The following NRP2 variants were observed in gnomAD, a reference collection of about 807,000 sequenced individuals.
NRP2 encodes neuropilin 2.
A neutral mutation model predicts 110.4 loss-of-function variants in NRP2; 52 were observed. The observed-to-expected ratio is 0.47, with a 90% confidence interval of 0.38 to 0.59. The LOEUF is 0.59. Ranked by LOEUF, NRP2 falls within the 20% of genes least tolerant of loss-of-function variation. The pLI, the probability that NRP2 is intolerant of heterozygous loss-of-function variation, is 0.00. For missense variants in NRP2, 1,049 were observed against 1,203.0 expected (o/e 0.87, Z 1.89); for synonymous variants, 508 against 468.9 (o/e 1.08, Z -1.08).
At chr2:205,737,988 G>A (rs2057374438) in intron 7 of NRP2, among the ~76,000 whole-genome samples, 1 of 152,196 alleles carries the variant, frequency 6.6e-6, no homozygotes, top group Non-Finnish European at 1.5e-5. Flanking sequence ...CCATCCCAAA[G>A]ACAGTCCAAA....
intron 2 of NRP2, among the ~76,000 whole-genome samples, chr2:205,702,473 A>G (rs1035254112): frequency 6.6e-6 from 1 of 152,116 alleles, no homozygotes; most frequent in Non-Finnish European, 1.5e-5. Flanking sequence ...GCTGCTCACA[A>G]TCTTTTTTTC....
chr2:205,796,401 TGCACACACGCATACACACATGCAC>T lies in NRP2; in HGVS notation c.*1352_*1375del, dbSNP rs2058352159. ...TGAGAGACCTAGGTTCTTACACATA[TGCACACACGCATACACACATGCAC>T]GCACACACACATACACACATGCACG... On this transcript the variant is annotated 3_prime_UTR_variant, in exon 17 of 17. Transcript: ENST00000357785. 2.0e-5 allele frequency: 3 copies of T among 152,740 alleles called. No individual in the cohort carries two copies. Among genetic ancestry groups the T allele is most frequent in the African/African-American group, 7.2e-5 (3 of 41,550 alleles). 9.5% of individuals were successfully genotyped at this position (152,740 alleles called of 1,614,324 possible). A position where few individuals can be genotyped will look rare whatever the true frequency, so the allele number is the denominator to read the frequency against.
At chr2:205,689,498 T>G (rs2056257492) in intron 1 of NRP2, among the ~76,000 whole-genome samples, 1 of 152,230 alleles carries the variant, frequency 6.6e-6, no homozygotes, top group Non-Finnish European at 1.5e-5. Context: ...GAAAGCACAC[T>G]ATAACCATTG....
intron 2 of NRP2, 129 bp downstream of exon 2, chr2:205,697,850 C>A: frequency 1.0e-6 from 1 of 956,208 alleles, no homozygotes; most frequent in Non-Finnish European, 1.7e-6. Context: ...GGATCCTGGC[C>A]CCAGAGGAAA....
chr2:205,739,705 G>A (rs849577), intron 7 of NRP2, among the ~76,000 whole-genome samples: 15,223 of 125,134 alleles, frequency 0.12, 1,091 homozygotes, highest in East Asian at 0.42. Flanking sequence ...TTTTTTTTGA[G>A]CAGAGAGCAC....
chr2:205,725,539 T>G lies in NRP2; in HGVS notation c.821-374T>G, dbSNP rs1003663575. 1.3e-5 allele frequency among the ~76,000 whole-genome samples: 2 copies of G among 152,230 alleles called. No individual in the cohort carries two copies. The highest frequency in any genetic ancestry group is 1.3e-4 in the Admixed American group (2 of 15,290). ...TATTAATAAAGCAGGCTTCCCACGA[T>G]GTATGAGCTCACCCAAATCGCCACG... On this transcript the variant is annotated intron_variant, in intron 5 of 16. Coordinates refer to ENST00000357785, the MANE Select transcript of NRP2 (RefSeq NM_003872.3). This position sits in a 1 kb window ranked among gnomAD's most constrained non-coding sequence, Gnocchi z 4.1.
At chr2:205,694,590 T>G (rs2056383527) in intron 1 of NRP2, among the ~76,000 whole-genome samples, 1 of 152,238 alleles carries the variant, frequency 6.6e-6, no homozygotes, top group African/African-American at 2.4e-5. Context: ...GAGATTGGCC[T>G]TAAGGGTTTT....
intron 15 of NRP2, chr2:205,776,081 T>G (rs1013422338): frequency 3.8e-6 from 3 of 786,458 alleles, no homozygotes; most frequent in Non-Finnish European, 4.5e-6. Context: ...ATGCAATCGT[T>G]GAGAAGTGCT....
rs771378649 is a variant in NRP2 at position 205,749,749 on chromosome 2, T to C, written c.1811T>C (p.Leu604Pro). 1 of 1,614,158 alleles carries C rather than the reference T, an allele frequency of 6.2e-7. No individual in the cohort carries two copies. Among genetic ancestry groups the C allele is most frequent in the East Asian group, 2.2e-5 (1 of 44,880 alleles). Residue 604 changes from leucine (L) to proline (P), a missense_variant, in exon 11 of 17, where the codon CTG becomes CCG. Transcript: ENST00000357785. ...WTDSKPTVET[L>P]GPTVKSEETT... Reference sequence around the variant, plus strand: ...GACTCCAAGCCCACGGTAGAGACGCTGGGACCCACTGTGAAGAGCGAAGAG... The same window carrying C: ...GACTCCAAGCCCACGGTAGAGACGCCGGGACCCACTGTGAAGAGCGAAGAG...
At chr2:205,700,932 A>T (rs1022868296) in intron 2 of NRP2, 2 of 329,922 alleles carry the variant, frequency 6.1e-6, no homozygotes, top group African/African-American at 4.4e-5. Context: ...AAAGGACAAA[A>T]GGGCGAGACT....
intron 12 of NRP2, among the ~76,000 whole-genome samples, chr2:205,758,086 CT>C (rs1559352263): frequency 6.6e-6 from 1 of 152,132 alleles, no homozygotes; most frequent in African/African-American, 2.4e-5. Flanking sequence ...ACAAAATGGT[CT>C]ATTGTAAACC....
chr2:205,775,954 A>G (rs1450670533), intron 15 of NRP2, among the ~76,000 whole-genome samples: 1 of 152,204 alleles, frequency 6.6e-6, no homozygotes, highest in Non-Finnish European at 1.5e-5. Context: ...GTTGAATCCC[A>G]TACTTACTAT....
At chr2:205,727,818 T>C (rs1575593812) in intron 6 of NRP2, 73 bp from the exon 7 acceptor site, 1 of 1,471,510 alleles carries the variant, frequency 6.8e-7, no homozygotes, top group East Asian at 2.4e-5. Context: ...AATGATTGTG[T>C]CCTTTGGAAA....
intron 2 of NRP2, among the ~76,000 whole-genome samples, chr2:205,702,547 C>G (rs1453754092): frequency 6.6e-6 from 1 of 152,172 alleles, no homozygotes; most frequent in African/African-American, 2.4e-5. Context: ...TCTAAGTGTC[C>G]TAGATAAACA....
At chr2:205,739,427 G>T (rs1452048259) in intron 7 of NRP2, among the ~76,000 whole-genome samples, 1 of 152,158 alleles carries the variant, frequency 6.6e-6, no homozygotes, top group Non-Finnish European at 1.5e-5. Context: ...AGTTTCCCCA[G>T]TTCTCTTGTC....
At chr2:205,684,758 G>A (rs768436892) in intron 1 of NRP2, among the ~76,000 whole-genome samples, 6 of 152,210 alleles carry the variant, frequency 3.9e-5, no homozygotes, top group Non-Finnish European at 7.4e-5. Flanking sequence ...GGCCTCCGCC[G>A]TTCCCCCTTG....
intron 15 of NRP2, among the ~76,000 whole-genome samples, chr2:205,773,554 T>C (rs1436921404): frequency 6.6e-6 from 1 of 152,176 alleles, no homozygotes; most frequent in Non-Finnish European, 1.5e-5. Flanking sequence ...GGAGTTTGTC[T>C]TTCAAGTAGA....
chr2:205,717,190 G>C (rs1158939414), intron 3 of NRP2, among the ~76,000 whole-genome samples: 1 of 118,606 alleles, frequency 8.4e-6, no homozygotes, highest in African/African-American at 2.8e-5. Flanking sequence ...TTGTTATCTC[G>C]AGGCTAAGGG....
chr2:205,756,319 A>G (rs984718016), intron 12 of NRP2: 1 of 152,116 alleles, frequency 6.6e-6, no homozygotes, highest in Non-Finnish European at 1.5e-5. Context: ...TGACATAGGA[A>G]GCACCCCCTT....
Sources: gnomAD v4.1 joint callset for allele counts (sites outside exome capture counted in the v4.1 genomes callset) on GRCh38, gnomAD v4.1.1 for gene constraint, Gnocchi (gnomAD v3.1) non-coding constraint, MANE v1.5 for transcripts, NCBI Gene and HGNC (gene_info 2026-07-23, HGNC 2026-07-21) for gene names.